Variants in HMGCLL1 observed in about 807,000 individuals in gnomAD.
HMGCLL1 encodes the protein 3-hydroxy-3-methylglutaryl-CoA lyase like 1.
HMGCLL1 carries 36 observed loss-of-function variants against 39.1 expected under a neutral mutation model. That is an observed-to-expected ratio of 0.92 (90% CI 0.71 to 1.22). The LOEUF (loss-of-function observed/expected upper bound fraction) is 1.22. Ranked by LOEUF, HMGCLL1 falls within the 50% of genes most tolerant of loss-of-function variation. HMGCLL1 has a pLI of 0.00. For synonymous variants in HMGCLL1, 149 were observed against 144.0 expected (o/e 1.03, Z -0.25); for missense variants, 451 against 416.5 (o/e 1.08, Z -0.72).
the HMGCLL1 span, among the ~76,000 whole-genome samples, chr6:55,631,477 T>C: frequency 6.6e-6 from 1 of 152,076 alleles, no homozygotes; most frequent in Non-Finnish European, 1.5e-5. Context: ...ACCATGGTTG[T>C]CTGCCAGCGT....
intron 1 of HMGCLL1, among the ~76,000 whole-genome samples, chr6:55,542,748 C>T (rs975533614): frequency 6.8e-6 from 1 of 148,058 alleles, no homozygotes; most frequent in East Asian, 2.0e-4. Context: ...CATTGCACTC[C>T]AGCCTTGGTG....
chr6:55,603,806 G>A, the HMGCLL1 span, among the ~76,000 whole-genome samples: 19 of 152,164 alleles, frequency 1.2e-4, no homozygotes, highest in South Asian at 1.0e-3. Flanking sequence ...TGAAAAATCC[G>A]TAACTCTTTT....
At chr6:55,652,530 G>A in the HMGCLL1 span, among the ~76,000 whole-genome samples, 1 of 152,108 alleles carries the variant, frequency 6.6e-6, no homozygotes, top group African/African-American at 2.4e-5. Flanking sequence ...TTCTCCATGA[G>A]ATAGAAAACA....
chr6:55,453,717 G>A (rs1302841403), intron 7 of HMGCLL1, among the ~76,000 whole-genome samples: 1 of 152,190 alleles, frequency 6.6e-6, no homozygotes, highest in Non-Finnish European at 1.5e-5. Context: ...TAGAAAATTA[G>A]TGCAATACAT....
At chr6:55,442,115 C>A (rs926518375) in intron 7 of HMGCLL1, among the ~76,000 whole-genome samples, 2 of 152,008 alleles carry the variant, frequency 1.3e-5, no homozygotes, top group African/African-American at 2.4e-5. Context: ...TAAATTATGA[C>A]GGCTGGTATT....
intron 1 of HMGCLL1, among the ~76,000 whole-genome samples, chr6:55,543,337 TATATGATATATA>T (rs1243748054): frequency 0.012 from 365 of 29,780 alleles, 98 homozygotes; most frequent in African/African-American, 0.043. Context: ...TTATATATCA[TATATGATATATA>T]ATATGATATA....
At chr6:55,479,006 T>C (rs1256213554) in intron 7 of HMGCLL1, among the ~76,000 whole-genome samples, 2 of 151,646 alleles carry the variant, frequency 1.3e-5, no homozygotes, top group Admixed American at 1.3e-4. Flanking sequence ...CTCTCTTTTT[T>C]TGCCTACCAT....
At position 55,574,178 on chromosome 6, in the gene HMGCLL1, GA is replaced by G. The variant is rs559255809; in HGVS notation, c.108+4769del. Among the ~76,000 whole-genome samples, 14 of 151,598 alleles carry G rather than the reference GA, an allele frequency of 9.2e-5. No homozygotes were observed. The South Asian group carries it at 1.7e-3, about 18-fold the overall frequency. ...ATGTAATTTCAAACAAAGAAAAACT[GA>G]AAAAAATCAATATTAGTACTTTTTT... On this transcript the variant is annotated intron_variant, in intron 1 of 8. Coordinates refer to ENST00000274901, the MANE Select transcript of HMGCLL1 (RefSeq NM_001042406.2).
chr6:55,653,449 T>C, the HMGCLL1 span, among the ~76,000 whole-genome samples: 1 of 151,860 alleles, frequency 6.6e-6, no homozygotes, highest in East Asian at 1.9e-4. Flanking sequence ...AGAGAAAAAA[T>C]ACATTTTTTA....
intron 7 of HMGCLL1, among the ~76,000 whole-genome samples, chr6:55,447,624 G>A (rs1211878563): frequency 6.6e-6 from 1 of 151,968 alleles, no homozygotes; most frequent in Non-Finnish European, 1.5e-5. Flanking sequence ...ATTTCTTTAA[G>A]ACTAAAAATA....
chr6:55,623,649 CAAAT>C, the HMGCLL1 span, among the ~76,000 whole-genome samples: 6 of 149,072 alleles, frequency 4.0e-5, no homozygotes, highest in Non-Finnish European at 8.9e-5. Flanking sequence ...CATATATACA[CAAAT>C]AATATATATA....
chr6:55,509,702 A>C (rs1457606236), intron 5 of HMGCLL1, among the ~76,000 whole-genome samples: 1 of 151,944 alleles, frequency 6.6e-6, no homozygotes, highest in Non-Finnish European at 1.5e-5. Flanking sequence ...CAGTTAAAAA[A>C]AATAATTAAA....
the HMGCLL1 span, among the ~76,000 whole-genome samples, chr6:55,618,514 AT>A: frequency 4.4e-3 from 666 of 152,200 alleles, 7 homozygotes; most frequent in African/African-American, 0.015. Context: ...TATCAAAAAA[AT>A]AATTCAATGT....
At chr6:55,624,526 C>T in the HMGCLL1 span, among the ~76,000 whole-genome samples, 6 of 152,100 alleles carry the variant, frequency 3.9e-5, no homozygotes, top group African/African-American at 1.4e-4. Flanking sequence ...GCTTTTTGTC[C>T]TAATCTTATT....
chr6:55,491,546 T>C (rs1047027163), intron 7 of HMGCLL1, among the ~76,000 whole-genome samples: 11 of 152,202 alleles, frequency 7.2e-5, no homozygotes, highest in Non-Finnish European at 1.3e-4. Context: ...TCTTTGTCTT[T>C]GTGCTACCAA....
chr6:55,607,402 A>T, the HMGCLL1 span, among the ~76,000 whole-genome samples: 1 of 152,168 alleles, frequency 6.6e-6, no homozygotes, highest in African/African-American at 2.4e-5. Flanking sequence ...AATGTGGTGG[A>T]TGCTATAATG....
At chr6:55,466,960 C>G (rs1764820859) in intron 7 of HMGCLL1, among the ~76,000 whole-genome samples, 1 of 152,050 alleles carries the variant, frequency 6.6e-6, no homozygotes, top group Admixed American at 6.6e-5. Flanking sequence ...TCAGCCTCAT[C>G]ATTTATCATT....
chr6:55,579,231 G>A, upstream of HMGCLL1: 1 of 603,634 alleles, frequency 1.7e-6, no homozygotes, highest in East Asian at 2.8e-5. Context: ...AGTGGGGCGT[G>A]GCAGGTGGCC....
chr6:55,508,395 G>A (rs1767273109), intron 5 of HMGCLL1, among the ~76,000 whole-genome samples: 1 of 151,712 alleles, frequency 6.6e-6, no homozygotes, highest in Non-Finnish European at 1.5e-5. Context: ...CTAAGATTAT[G>A]TTTTCTGCTG....
Sources: allele counts gnomAD v4.1 joint callset (sites outside exome capture counted in the v4.1 genomes callset), GRCh38; gene constraint gnomAD v4.1.1; transcripts MANE v1.5; gene names NCBI Gene and HGNC (gene_info 2026-07-23, HGNC 2026-07-21).